Variants in DAB1 observed in about 807,000 individuals in gnomAD.
DAB1 encodes the protein disabled homolog 1.
DAB1 carries 15 observed loss-of-function variants against 64.6 expected under a neutral mutation model. The observed-to-expected ratio is 0.23, with a 90% confidence interval of 0.16 to 0.36. The LOEUF (loss-of-function observed/expected upper bound fraction) is 0.36, where lower values mean the gene tolerates loss of function less well. Ranked by LOEUF, DAB1 falls within the 10% of genes least tolerant of loss-of-function variation. The probability of loss-of-function intolerance (pLI) is 1.00; values close to 1 mark genes in which losing one functional copy is unlikely to be tolerated. For missense variants in DAB1, 596 were observed against 706.7 expected (o/e 0.84, Z 1.78); for synonymous variants, 235 against 251.9 (o/e 0.93, Z 0.64).
chr1:58,025,559 T>C (rs2806400), intron 5 of DAB1, among the ~76,000 whole-genome samples: 1 of 146,386 alleles, frequency 6.8e-6, no homozygotes, highest in African/African-American at 2.5e-5. Context: ...TATATATATA[T>C]AGAGAGAGAG....
At chr1:57,550,129 C>A (rs968468755) in intron 7 of DAB1, among the ~76,000 whole-genome samples, 5 of 152,118 alleles carry the variant, frequency 3.3e-5, no homozygotes, top group Non-Finnish European at 5.9e-5. Flanking sequence ...GATTTGTGCA[C>A]CTCAGTTTGT....
At chr1:57,815,866 C>G (rs773815148) in intron 6 of DAB1, among the ~76,000 whole-genome samples, 5 of 152,262 alleles carry the variant, frequency 3.3e-5, no homozygotes, top group Non-Finnish European at 5.9e-5. Flanking sequence ...TTGCAATGGT[C>G]TCCAAGCATC....
At chr1:57,653,802 G>A (rs571534213) in intron 6 of DAB1, among the ~76,000 whole-genome samples, 12 of 152,140 alleles carry the variant, frequency 7.9e-5, no homozygotes, top group South Asian at 4.2e-4. Flanking sequence ...TAGTAGAGAC[G>A]GGGTTCGCCA....
intron 6 of DAB1, among the ~76,000 whole-genome samples, chr1:57,775,473 T>C (rs1649753309): frequency 6.6e-6 from 1 of 151,710 alleles, no homozygotes; most frequent in African/African-American, 2.4e-5. Context: ...GTTTTCATTG[T>C]AATGCACTTT....
intron 5 of DAB1, among the ~76,000 whole-genome samples, chr1:57,889,903 G>GC (rs1644283839): frequency 7.6e-6 from 1 of 131,470 alleles, no homozygotes. Flanking sequence ...CTGGGGCGGG[G>GC]GGGGGGGAGG....
At chr1:57,116,959 T>A (rs927118432) in intron 4 of DAB1, among the ~76,000 whole-genome samples, 8 of 152,160 alleles carry the variant, frequency 5.3e-5, no homozygotes, top group African/African-American at 1.9e-4. Flanking sequence ...AGTTACTTCA[T>A]CCCGGCACTC....
intron 7 of DAB1, among the ~76,000 whole-genome samples, chr1:57,530,933 T>C (rs1644655627): frequency 6.6e-6 from 1 of 152,218 alleles, no homozygotes; most frequent in African/African-American, 2.4e-5. Flanking sequence ...TCTCTCTTGC[T>C]GAGCAGAGAA....
chr1:58,388,939 G>A (rs1372032838), intron 3 of DAB1, among the ~76,000 whole-genome samples: 3 of 152,154 alleles, frequency 2.0e-5, no homozygotes, highest in Non-Finnish European at 4.4e-5. Context: ...GCAAAATGAT[G>A]ATAGCAATAT....
chr1:58,082,422 AT>A (rs5774395), intron 5 of DAB1, among the ~76,000 whole-genome samples: 35,301 of 149,662 alleles, frequency 0.24, 4,638 homozygotes, highest in East Asian at 0.49. Context: ...CAAAACTTAA[AT>A]AAAAAAAAAA....
intron 4 of DAB1, among the ~76,000 whole-genome samples, chr1:58,215,338 G>A (rs779866079): frequency 4.6e-5 from 7 of 151,652 alleles, no homozygotes; most frequent in Non-Finnish European, 8.8e-5. Context: ...AGATGCCTGA[G>A]GGTATGGCTA....
intron 5 of DAB1, among the ~76,000 whole-genome samples, chr1:57,977,285 G>A (rs1645943252): frequency 2.6e-5 from 4 of 152,094 alleles, no homozygotes; most frequent in Admixed American, 2.0e-4. Context: ...AGAAAGGATG[G>A]CTGTCATTAT....
chr1:57,216,461 A>G (rs190017884), intron 2 of DAB1, among the ~76,000 whole-genome samples: 1 of 152,310 alleles, frequency 6.6e-6, no homozygotes, highest in African/African-American at 2.4e-5. Flanking sequence ...TACCCTGGAT[A>G]TCCAAGATGA....
At chr1:57,230,517 C>T (rs1557985541) in intron 2 of DAB1, among the ~76,000 whole-genome samples, 1 of 152,124 alleles carries the variant, frequency 6.6e-6, no homozygotes, top group Non-Finnish European at 1.5e-5. Context: ...CAAACCCAAA[C>T]ATGCTATTTC....
intron 6 of DAB1, among the ~76,000 whole-genome samples, chr1:57,693,195 C>G (rs1267576482): frequency 6.6e-6 from 1 of 152,106 alleles, no homozygotes; most frequent in African/African-American, 2.4e-5. Context: ...CTTCAGGGCC[C>G]CTTCTTCGCC....
At chr1:58,488,876 A>C (rs1645623924) in intron 3 of DAB1, among the ~76,000 whole-genome samples, 1 of 152,170 alleles carries the variant, frequency 6.6e-6, no homozygotes, top group African/African-American at 2.4e-5. Flanking sequence ...AGAACATAAC[A>C]TTTTTATATT....
rs1162094928 is a variant in DAB1, at chr1:58,018,140, A to T, written n.387+132371T>A. On this transcript the variant is annotated intron_variant and non_coding_transcript_variant, in intron 5 of 20. Coordinates refer to the DAB1 transcript ENST00000485760. ...CTAAGTGCTTTTATACACCAAGGCAACACTCACGTTCCCTCACTCTCTCTG... is the reference window on the plus strand; with the variant it reads ...CTAAGTGCTTTTATACACCAAGGCATCACTCACGTTCCCTCACTCTCTCTG... Among the ~76,000 whole-genome samples the T allele has an allele frequency of 2.0e-5, 3 of 151,226 alleles. No homozygotes were observed. The East Asian group carries it at 5.8e-4, about 29-fold the overall frequency.
intron 2 of DAB1, among the ~76,000 whole-genome samples, chr1:57,213,114 A>C (rs556131): frequency 0.27 from 41,682 of 151,712 alleles, 7,248 homozygotes; most frequent in Middle Eastern, 0.39. Context: ...GTCCAAAAAA[A>C]AGAAAGAAAA....
chr1:57,929,805 G>A (rs1408286631), intron 5 of DAB1, among the ~76,000 whole-genome samples: 2 of 152,118 alleles, frequency 1.3e-5, no homozygotes, highest in Non-Finnish European at 2.9e-5. Context: ...ACTCTCCCAG[G>A]AACTAGTGCA....
At chr1:58,024,935 C>T (rs1289226601) in intron 5 of DAB1, among the ~76,000 whole-genome samples, 1 of 152,130 alleles carries the variant, frequency 6.6e-6, no homozygotes, top group Non-Finnish European at 1.5e-5. Context: ...GGTACCCAAC[C>T]TGCTGCCTCA....
Sources: gnomAD v4.1 joint callset for allele counts (sites outside exome capture counted in the v4.1 genomes callset) on GRCh38, gnomAD v4.1.1 for gene constraint, MANE v1.5 for transcripts, NCBI Gene and HGNC (gene_info 2026-07-23, HGNC 2026-07-21) for gene names.